The following APOL4 variants were observed in gnomAD, a reference collection of about 807,000 sequenced individuals.
APOL4 encodes apolipoprotein L4.
Under a neutral mutation model 12.1 loss-of-function variants are expected in APOL4, and 14 were observed. That is an observed-to-expected ratio of 1.16 (90% confidence interval 0.76 to 1.81). APOL4 has a LOEUF of 1.81. Among genes scored for constraint, APOL4 ranks in the 40% most tolerant of loss-of-function variants. APOL4 has a pLI of 0.00. For missense variants in APOL4, 432 were observed against 423.1 expected (o/e 1.02, Z -0.18); for synonymous variants, 171 against 160.6 (o/e 1.06, Z -0.49).
At chr22:36,197,806 G>A (rs568154860) in intron 2 of APOL4, 57 of 1,549,794 alleles carry the variant, frequency 3.7e-5, no homozygotes, top group East Asian at 2.0e-4. Flanking sequence ...TGTAGGGACA[G>A]GGGGAGGGGA....
At chr22:36,196,677 T>A (rs1162365926) in intron 2 of APOL4, among the ~76,000 whole-genome samples, 3 of 152,148 alleles carry the variant, frequency 2.0e-5, no homozygotes, top group Non-Finnish European at 2.9e-5. Flanking sequence ...ACATGATGTA[T>A]AATTGTTTCC....
chr22:36,199,721 C>A, intron 1 of APOL4: 1 of 1,396,100 alleles, frequency 7.2e-7, no homozygotes, highest in Non-Finnish European at 9.8e-7. Context: ...CTAACAATGA[C>A]CGGAAACATG....
chr22:36,203,638 A>C (rs2014647330), upstream of APOL4, among the ~76,000 whole-genome samples: 1 of 152,196 alleles, frequency 6.6e-6, no homozygotes. Flanking sequence ...ATAACCGGTT[A>C]GACTAGAAAT....
At chr22:36,200,428 C>T (rs991713941) in intron 1 of APOL4, among the ~76,000 whole-genome samples, 3 of 152,230 alleles carry the variant, frequency 2.0e-5, no homozygotes, top group Admixed American at 6.5e-5. Flanking sequence ...CCTGTGTCCC[C>T]CTTGCTTCTC....
At position 36,191,394 on chromosome 22, in the gene APOL4, T is replaced by C; in HGVS notation, c.728A>G (p.Asp243Gly). 1 of 1,614,058 alleles carries C rather than the reference T, an allele frequency of 6.2e-7. No homozygotes were observed. ...FDEATKMIANDVHTLRRSKAT... is the reference protein window; with the variant it reads ...FDEATKMIANGVHTLRRSKAT... ...TTTAGATCTCCTGAGTGTATGGACA[T>C]CATTCGCAATCATTTTTGTGGCTTC... The change falls in exon 4 of 4, where the codon GAT becomes GGT. Residue 243 changes from aspartate (D) to glycine (G), a missense_variant. Asp to Gly is a moderately conservative substitution (Grantham distance 94). Coordinates refer to ENST00000683024, the MANE Select transcript of APOL4 (RefSeq NM_001386885.1).
rs763230967 is a variant in APOL4, at chr22:36,195,333, C to T, written c.187G>A (p.Val63Met). ...TACCTGGGCAATTCAGCCACACGCACAAATCTCTTCCAGGCTTCATCGCTA... is the reference window on the plus strand; with the variant it reads ...TACCTGGGCAATTCAGCCACACGCATAAATCTCTTCCAGGCTTCATCGCTA... ...LTSDEAWKRF[V>M]RVAELPREEA... is the part of the protein sequence containing the mutation. Residue 63 changes from valine to methionine, a missense_variant, in exon 3 of 4, where the codon GTG becomes ATG. Val to Met is a conservative substitution (Grantham distance 21). Transcript: ENST00000683024. 19 of 1,613,916 alleles carry T rather than the reference C, an allele frequency of 1.2e-5. No individual in the cohort carries two copies. In the East Asian group the frequency reaches 2.2e-4, roughly 19 times the overall value.
chr22:36,193,172 C>G (rs780201337), intron 3 of APOL4, among the ~76,000 whole-genome samples: 14 of 152,150 alleles, frequency 9.2e-5, no homozygotes, highest in Non-Finnish European at 2.1e-4. Flanking sequence ...TCCTGTTAGG[C>G]CAGTTTAGCA....
At position 36,191,020 on chromosome 22, in the gene APOL4, A is replaced by G. The variant is rs2014225782; in HGVS notation, c.*55T>C. ...TCTTCACAATCCACGTTCTTCTGCCATGGCTTCAGCCAGTCCCTCCGTTTG... is the reference window on the plus strand; with the variant it reads ...TCTTCACAATCCACGTTCTTCTGCCGTGGCTTCAGCCAGTCCCTCCGTTTG... On this transcript the variant is annotated 3_prime_UTR_variant, in exon 4 of 4. Transcript: ENST00000683024. The G allele has an allele frequency of 6.9e-7, 1 of 1,444,150 alleles. No homozygotes were observed. The highest frequency in any genetic ancestry group is 9.3e-7 in the Non-Finnish European group (1 of 1,071,766). 89.5% of individuals were successfully genotyped at this position (1,444,150 alleles called of 1,614,324 possible). A position where few individuals can be genotyped will look rare whatever the true frequency, so the allele number is the denominator to read the frequency against.
Position 36,197,698 on chromosome 22 carries a change from G to A in APOL4, c.82+1632C>T, listed in dbSNP as rs1340950094. The A allele has an allele frequency of 1.9e-6, 3 of 1,550,500 alleles. No homozygotes were observed. In the Admixed American group the frequency reaches 5.9e-5, roughly 30 times the overall value. On this transcript the variant is annotated intron_variant, in intron 2 of 3. Transcript: ENST00000683024. ...GTCATGAGCAGCCAGCTGACAGAGG[G>A]CCATGCTGAGATGTGGATACTGGGA...
At chr22:36,200,936 G>A (rs1162929683) in intron 1 of APOL4, among the ~76,000 whole-genome samples, 1 of 152,214 alleles carries the variant, frequency 6.6e-6, no homozygotes, top group African/African-American at 2.4e-5. Flanking sequence ...CTGAACAAAG[G>A]AGAAGGAGGA....
intron 2 of APOL4, chr22:36,197,507 G>A (rs2014445575): frequency 1.5e-6 from 2 of 1,324,398 alleles, no homozygotes; most frequent in Non-Finnish European, 2.0e-6. Context: ...GAATATTAAA[G>A]CAAAATTAAA....
At chr22:36,194,081 G>A (rs1468397830) in intron 3 of APOL4, among the ~76,000 whole-genome samples, 1 of 152,206 alleles carries the variant, frequency 6.6e-6, no homozygotes, top group Non-Finnish European at 1.5e-5. Context: ...CAAGATGGTA[G>A]AGAAAGTGTT....
At chr22:36,197,901 C>T (rs2014460850) in intron 2 of APOL4, 2 of 1,475,570 alleles carry the variant, frequency 1.4e-6, no homozygotes, top group Admixed American at 2.4e-5. Context: ...TCTGACCCAC[C>T]TTTCACCCCA....
intron 3 of APOL4, among the ~76,000 whole-genome samples, chr22:36,194,877 A>G (rs2014359569): frequency 6.6e-6 from 1 of 152,220 alleles, no homozygotes; most frequent in African/African-American, 2.4e-5. Context: ...CTGGGCTTCC[A>G]TCTCTAAGAA....
At position 36,189,579 on chromosome 22, in the gene APOL4, T is replaced by G. The variant is rs5995240; in HGVS notation, c.*1496A>C. The G allele has an allele frequency of 0.59, 89,273 of 151,736 alleles. 27,435 individuals carry two copies. The highest frequency in any genetic ancestry group is 0.82 in the East Asian group (4,203 of 5,142). 9.4% of individuals were successfully genotyped at this position (151,736 alleles called of 1,614,324 possible). A position where few individuals can be genotyped will look rare whatever the true frequency, so the allele number is the denominator to read the frequency against. ...GGACATCCAACCGGGGGGCGGGTCT[T>G]TAGTGGAGCCGCTGTTTCTTCTCCT... On this transcript the variant is annotated 3_prime_UTR_variant, in exon 4 of 4. Transcript: ENST00000683024.
In APOL4 at chr22:36,191,904, G is replaced by A. The variant is rs757150141; in HGVS notation, c.218C>T (p.Ala73Val). Reference sequence around the variant, plus strand: ...CTTCAGAGCTTCATAGAGAGCATCTGCCTCTTCCCTGTACCAATAAAGGAC... The same window carrying A: ...CTTCAGAGCTTCATAGAGAGCATCTACCTCTTCCCTGTACCAATAAAGGAC... Reference protein sequence around the residue: ...VRVAELPREEADALYEALKNL... With the variant: ...VRVAELPREEVDALYEALKNL... Residue 73 changes from alanine (A) to valine (V), a missense_variant, in exon 4 of 4, where the codon GCA (alanine) becomes GTA (valine). By Grantham distance (64) the Ala-to-Val change is moderately conservative. Transcript: ENST00000683024. The A allele has an allele frequency of 4.4e-6, 7 of 1,596,008 alleles. No homozygotes were observed. In the Admixed American group the frequency reaches 1.0e-4, roughly 23 times the overall value.
At chr22:36,203,529 A>G (rs571423597), upstream of APOL4, among the ~76,000 whole-genome samples, 11 of 152,210 alleles carry the variant, frequency 7.2e-5, no homozygotes, top group East Asian at 1.9e-4. Context: ...CAGAAACACA[A>G]TCTTTCCATA....
intron 2 of APOL4, chr22:36,197,841 A>T (rs997520831): frequency 1.5e-5 from 23 of 1,545,044 alleles, no homozygotes; most frequent in Non-Finnish European, 2.0e-5. Flanking sequence ...CCTGACAAAC[A>T]GGAAGTGGCC....
rs201013086 is a variant in APOL4, at chr22:36,191,077, A to C, written c.1045T>G (p.Ter349GluextTer33). Reference protein sequence around the residue: ...THIHQSLKAG* With the variant: ...THIHQSLKAGE ...CTGACTTCCCGCAACAATTGGGCCT[A>C]GCCTGCTTTTAGACTCTGATGGATA... is the stretch of plus-strand genomic sequence containing the variant. Residue 349 changes from the stop codon to glutamate, a stop_lost, in exon 4 of 4, where the codon TAG becomes GAG. Transcript: ENST00000683024. 1.5e-4 allele frequency: 247 copies of C among 1,593,938 alleles called. No individual in the cohort carries two copies. The highest frequency in any genetic ancestry group is 3.9e-5 in the Non-Finnish European group (46 of 1,169,384).
Sources: allele counts gnomAD v4.1 joint callset (sites outside exome capture counted in the v4.1 genomes callset), GRCh38; gene constraint gnomAD v4.1.1; transcripts MANE v1.5; gene names NCBI Gene and HGNC (gene_info 2026-07-23, HGNC 2026-07-21).